The following CDK17 variants were observed in gnomAD, a reference collection of about 807,000 sequenced individuals.
CDK17 encodes the protein cyclin-dependent kinase 17.
Under a neutral mutation model 77.6 loss-of-function variants are expected in CDK17, and 24 were observed. That is an observed-to-expected ratio of 0.31 (90% confidence interval 0.22 to 0.44). The LOEUF (loss-of-function observed/expected upper bound fraction) is 0.44, where lower values mean the gene tolerates loss of function less well. Ranked by LOEUF, CDK17 falls within the 20% of genes least tolerant of loss-of-function variation. The pLI is 1.00. For missense variants in CDK17, 429 were observed against 622.5 expected, an observed-to-expected ratio of 0.69 and a Z score of 3.31; for synonymous variants, 203 against 210.4, an observed-to-expected ratio of 0.96 and a Z score of 0.30.
chr12:96,397,764 C>T (rs1414684514), intron 1 of CDK17, among the ~76,000 whole-genome samples: 2 of 152,104 alleles, frequency 1.3e-5, no homozygotes, highest in South Asian at 4.1e-4. Flanking sequence ...GAAAAAAAAT[C>T]AATGGAGCCT....
At chr12:96,318,248 A>C (rs1041608509) in intron 3 of CDK17, among the ~76,000 whole-genome samples, 4 of 152,074 alleles carry the variant, frequency 2.6e-5, no homozygotes, top group African/African-American at 7.2e-5. Flanking sequence ...GGAGGAGCTA[A>C]CTATCCTAAA....
intron 1 of CDK17, among the ~76,000 whole-genome samples, chr12:96,350,843 A>C (rs1223981385): frequency 1.3e-5 from 2 of 152,176 alleles, no homozygotes; most frequent in Non-Finnish European, 2.9e-5. Flanking sequence ...GCAACAACAA[A>C]AAAGACCCCC....
chr12:96,379,105 T>C (rs1462584385), intron 1 of CDK17, among the ~76,000 whole-genome samples: 1 of 152,072 alleles, frequency 6.6e-6, no homozygotes, highest in Non-Finnish European at 1.5e-5. Flanking sequence ...TGAGACAGAG[T>C]AGCTCAAACC....
chr12:96,325,668 C>A (rs570172392), intron 2 of CDK17, among the ~76,000 whole-genome samples: 1 of 152,270 alleles, frequency 6.6e-6, no homozygotes, highest in East Asian at 1.9e-4. Context: ...CAAATGCCTA[C>A]CTAGTAATAC....
At chr12:96,317,204 T>A (rs910068277) in intron 3 of CDK17, among the ~76,000 whole-genome samples, 1 of 150,028 alleles carries the variant, frequency 6.7e-6, no homozygotes, top group Admixed American at 6.7e-5. Context: ...AGAAAGGGTA[T>A]CAGCGATCGA....
intron 10 of CDK17, among the ~76,000 whole-genome samples, chr12:96,294,040 G>C (rs1047273089): frequency 1.3e-5 from 2 of 152,146 alleles, no homozygotes; most frequent in African/African-American, 2.4e-5. Context: ...AGTCATTTAA[G>C]TAAAAATGGT....
chr12:96,394,495 TA>T, intron 1 of CDK17, among the ~76,000 whole-genome samples: 1 of 151,946 alleles, frequency 6.6e-6, no homozygotes, highest in East Asian at 1.9e-4. Flanking sequence ...AACAAATGCA[TA>T]AAAAGAAACA....
intron 2 of CDK17, among the ~76,000 whole-genome samples, chr12:96,329,772 G>A (rs1040168317): frequency 1.3e-5 from 2 of 152,196 alleles, no homozygotes; most frequent in Admixed American, 6.5e-5. Flanking sequence ...ACATGTAAGA[G>A]ATCAGCAAGA....
intron 1 of CDK17, among the ~76,000 whole-genome samples, chr12:96,350,756 A>G (rs930294455): frequency 3.9e-5 from 6 of 152,174 alleles, no homozygotes; most frequent in Non-Finnish European, 7.3e-5. Flanking sequence ...AAGAGTTAAA[A>G]CTGTAAAACT....
chr12:96,297,533 G>T (rs1461170438), intron 8 of CDK17, 94 bp downstream of exon 8: 6 of 902,448 alleles, frequency 6.6e-6, no homozygotes, highest in Non-Finnish European at 1.1e-5. Flanking sequence ...AAGCACAGCT[G>T]CAGTTTAAAG....
Position 96,355,398 on chromosome 12 carries a change from G to GTTTTTTTTTTTTTTTTTTTTTTTTTT in CDK17, c.-29-20534_-29-20533insAAAAAAAAAAAAAAAAAAAAAAAAAA, listed in dbSNP as rs58937020. Among the ~76,000 whole-genome samples the GTTTTTTTTTTTTTTTTTTTTTTTTTT allele has an allele frequency of 5.5e-5, 4 of 72,476 alleles. 2 individuals carry two copies. The highest frequency in any genetic ancestry group is 9.6e-5 in the Non-Finnish European group (4 of 41,828). 47.5% of individuals were successfully genotyped at this position (72,476 alleles called of 152,430 possible). A position where few individuals can be genotyped will look rare whatever the true frequency, so the allele number is the denominator to read the frequency against. On this transcript the variant is annotated intron_variant, in intron 1 of 16. Coordinates refer to ENST00000261211, the MANE Select transcript of CDK17 (RefSeq NM_002595.5). ...CTTGCTGTCTAACATTCTACATTGG[G>GTTTTTTTTTTTTTTTTTTTTTTTTTT]TTTTTTTTTTTTTTTTTTTTTTTGG...
At chr12:96,346,504 T>C (rs1289367755) in intron 1 of CDK17, among the ~76,000 whole-genome samples, 7 of 151,796 alleles carry the variant, frequency 4.6e-5, no homozygotes, top group Admixed American at 2.6e-4. Context: ...GGCGTGCACC[T>C]ATAATCCCAG....
At chr12:96,332,577 G>A (rs764396719) in intron 2 of CDK17, among the ~76,000 whole-genome samples, 3 of 152,198 alleles carry the variant, frequency 2.0e-5, no homozygotes, top group African/African-American at 7.2e-5. Flanking sequence ...GACCAAAAAG[G>A]TGTAGAATCT....
At chr12:96,344,591 T>C (rs1433344408) in intron 1 of CDK17, among the ~76,000 whole-genome samples, 1 of 152,180 alleles carries the variant, frequency 6.6e-6, no homozygotes, top group Non-Finnish European at 1.5e-5. Flanking sequence ...AAGAATTTTA[T>C]ATTCAGCAAA....
At chr12:96,354,594 A>G (rs556175380) in intron 1 of CDK17, among the ~76,000 whole-genome samples, 1 of 152,300 alleles carries the variant, frequency 6.6e-6, no homozygotes, top group Admixed American at 6.5e-5. Context: ...TGTTTAGAGC[A>G]TCCAACTGGG....
chr12:96,367,876 T>G (rs1287110388), intron 1 of CDK17, among the ~76,000 whole-genome samples: 1 of 149,574 alleles, frequency 6.7e-6, no homozygotes, highest in South Asian at 2.1e-4. Context: ...AAAAAATCCC[T>G]TATAGTGACT....
intron 10 of CDK17, among the ~76,000 whole-genome samples, chr12:96,291,082 T>C (rs1413670420): frequency 2.0e-5 from 3 of 146,460 alleles, no homozygotes; most frequent in Non-Finnish European, 3.0e-5. Flanking sequence ...CTCAAAGTTA[T>C]ATGACCCTCC....
Position 96,294,999 on chromosome 12 carries a change from CA to C in CDK17, c.996del (p.Phe332LeufsTer3). Reference protein sequence around the residue: ...NEKGELKLADFGLARAKSVPT... With the variant: ...NEKGELKLADXGLARAKSVPT... Reference sequence around the variant, plus strand: ...AATAAATATCTCATACATTCCATACCAAAATCTGCTAGCTTTAATTCTCCTT... The same window carrying C: ...AATAAATATCTCATACATTCCATACCAAATCTGCTAGCTTTAATTCTCCTT... On this transcript the variant is annotated frameshift_variant and splice_region_variant, in exon 10 of 17. Transcript: ENST00000261211. LOFTEE classifies it high-confidence loss of function. 1 of 1,607,836 alleles carries C rather than the reference CA, an allele frequency of 6.2e-7. No individual in the cohort carries two copies. Among genetic ancestry groups the C allele is most frequent in the Middle Eastern group, 1.7e-4 (1 of 6,006 alleles).
intron 1 of CDK17, among the ~76,000 whole-genome samples, chr12:96,363,422 C>G (rs1440350950): frequency 7.1e-6 from 1 of 141,164 alleles, no homozygotes; most frequent in African/African-American, 2.7e-5. Context: ...TGCACTCCAG[C>G]CTGGGCAACA....
Sources: gnomAD v4.1 joint callset for allele counts (sites outside exome capture counted in the v4.1 genomes callset) on GRCh38, gnomAD v4.1.1 for gene constraint, MANE v1.5 for transcripts, NCBI Gene and HGNC (gene_info 2026-07-23, HGNC 2026-07-21) for gene names.